Variants in ST3GAL3 observed in about 807,000 individuals in gnomAD.
ST3GAL3 encodes the protein ST3 beta-galactoside alpha-2,3-sialyltransferase 3.
ST3GAL3 carries 21 observed loss-of-function variants against 50.1 expected under a neutral mutation model. That is an observed-to-expected ratio of 0.42 (90% CI 0.30 to 0.60). The LOEUF is 0.60. Ranked by LOEUF, ST3GAL3 falls within the 20% of genes least tolerant of loss-of-function variation. ST3GAL3 has a pLI of 0.19. For missense variants in ST3GAL3, 353 were observed against 489.4 expected, an observed-to-expected ratio of 0.72 and a Z score of 2.63; for synonymous variants, 183 against 190.0, an observed-to-expected ratio of 0.96 and a Z score of 0.30.
intron 4 of ST3GAL3, among the ~76,000 whole-genome samples, chr1:43,827,651 C>T (rs1043181663): frequency 3.3e-5 from 5 of 151,968 alleles, no homozygotes; most frequent in East Asian, 1.9e-4. Flanking sequence ...TACAGGCGTG[C>T]GCTACCACAC....
At chr1:43,895,575 A>T (rs1306134555) in intron 6 of ST3GAL3, among the ~76,000 whole-genome samples, 1 of 152,196 alleles carries the variant, frequency 6.6e-6, no homozygotes, top group Non-Finnish European at 1.5e-5. Flanking sequence ...TGTCAGAATT[A>T]CATAAAATAA....
At chr1:43,747,032 C>G (rs182023958) in intron 2 of ST3GAL3, among the ~76,000 whole-genome samples, 1 of 151,898 alleles carries the variant, frequency 6.6e-6, no homozygotes, top group Non-Finnish European at 1.5e-5. Flanking sequence ...TCCCGAAGTG[C>G]GAGGATTACA....
At chr1:43,777,800 T>G (rs1030776594) in intron 2 of ST3GAL3, among the ~76,000 whole-genome samples, 2 of 152,116 alleles carry the variant, frequency 1.3e-5, no homozygotes, top group African/African-American at 4.8e-5. Context: ...CAAAATAAAC[T>G]ATCATCAGAG....
chr1:43,827,512 G>A (rs1023328928), intron 4 of ST3GAL3, among the ~76,000 whole-genome samples: 8 of 151,940 alleles, frequency 5.3e-5, no homozygotes, highest in Non-Finnish European at 1.2e-4. Flanking sequence ...TGGGTTTTGG[G>A]GGTTTTGGGG....
At chr1:43,819,074 A>C (rs996767884) in intron 4 of ST3GAL3, 1 of 152,202 alleles carries the variant, frequency 6.6e-6, no homozygotes, top group African/African-American at 2.4e-5. Context: ...AACTTTATTT[A>C]TGGACCCTGA....
intron 5 of ST3GAL3, among the ~76,000 whole-genome samples, chr1:43,868,844 C>G (rs1045432124): frequency 6.6e-6 from 1 of 152,168 alleles, no homozygotes; most frequent in East Asian, 1.9e-4. Flanking sequence ...AAGAGACACC[C>G]GAGATGGAAA....
At chr1:43,929,582 T>G (rs1467398671) in intron 11 of ST3GAL3, among the ~76,000 whole-genome samples, 1 of 152,218 alleles carries the variant, frequency 6.6e-6, no homozygotes, top group Non-Finnish European at 1.5e-5. Flanking sequence ...ATTACAGGCG[T>G]GAGCCACCGC....
intron 9 of ST3GAL3, among the ~76,000 whole-genome samples, chr1:43,901,984 GC>G (rs2078355698): frequency 6.6e-6 from 1 of 152,218 alleles, no homozygotes; most frequent in South Asian, 2.1e-4. Flanking sequence ...AGGCCCTTTG[GC>G]TGCCCAAGGG....
chr1:43,898,946 G>A (rs2077806906), intron 7 of ST3GAL3: 2 of 600,956 alleles, frequency 3.3e-6, no homozygotes, highest in Non-Finnish European at 5.8e-6. Flanking sequence ...TTTTCCTGGG[G>A]AAGTGTCAGG....
intron 2 of ST3GAL3, among the ~76,000 whole-genome samples, chr1:43,757,882 A>G (rs1688694382): frequency 6.6e-6 from 1 of 152,222 alleles, no homozygotes; most frequent in Non-Finnish European, 1.5e-5. Flanking sequence ...CATCTACAAC[A>G]AAGGTCTTGT....
chr1:43,869,129 T>C (rs981488859), intron 5 of ST3GAL3, among the ~76,000 whole-genome samples: 1 of 152,106 alleles, frequency 6.6e-6, no homozygotes, highest in African/African-American at 2.4e-5. Context: ...ATCATGGAGA[T>C]TACCTAGTCC....
chr1:43,827,538 G>C (rs1169921838), intron 4 of ST3GAL3, among the ~76,000 whole-genome samples: 2 of 151,932 alleles, frequency 1.3e-5, no homozygotes, highest in Non-Finnish European at 2.9e-5. Flanking sequence ...TTTGAAACAG[G>C]GTTGCCCAGG....
chr1:43,842,221 C>T (rs1366718679), intron 5 of ST3GAL3: 1 of 152,222 alleles, frequency 6.6e-6, no homozygotes, highest in African/African-American at 2.4e-5. Context: ...ATCTTCCTGT[C>T]TTCTTGTGAG....
At chr1:43,775,189 A>G (rs1374380431) in intron 2 of ST3GAL3, among the ~76,000 whole-genome samples, 7 of 151,544 alleles carry the variant, frequency 4.6e-5, no homozygotes, top group Non-Finnish European at 8.8e-5. Flanking sequence ...GCTCTTCCTG[A>G]TTGCCAGAAC....
At chr1:43,872,216 G>A (rs1298318424) in intron 5 of ST3GAL3, among the ~76,000 whole-genome samples, 9 of 93,770 alleles carry the variant, frequency 9.6e-5, no homozygotes, top group South Asian at 4.5e-4. Flanking sequence ...TGAGAGGGGT[G>A]TGGGGGGCCG....
At position 43,736,499 on chromosome 1, in the gene ST3GAL3, T is replaced by C. The variant is rs1476346083; in HGVS notation, c.118+119T>C. ...GGGCAATGAGAGTAAACTGAACATT[T>C]CTGGGACTTTGGCCTAGAAATTGCC... On this transcript the variant is annotated intron_variant, in intron 2 of 11. Coordinates refer to ENST00000347631, the MANE Select transcript of ST3GAL3 (RefSeq NM_006279.5). The C allele has an allele frequency of 2.5e-6, 4 of 1,590,348 alleles. No homozygotes were observed. In the African/African-American group the frequency reaches 5.4e-5, roughly 21 times the overall value.
intron 1 of ST3GAL3, among the ~76,000 whole-genome samples, chr1:43,712,330 C>T (rs1483102317): frequency 1.3e-5 from 2 of 152,092 alleles, no homozygotes; most frequent in Non-Finnish European, 2.9e-5. Flanking sequence ...CTTTTTTCTC[C>T]CTTGGACAGC....
intron 2 of ST3GAL3, among the ~76,000 whole-genome samples, chr1:43,763,091 CTTTG>C (rs1027604793): frequency 1.3e-5 from 2 of 152,152 alleles, no homozygotes; most frequent in Admixed American, 6.6e-5. Flanking sequence ...CATCGCAGCA[CTTTG>C]TTTATTTGCA....
intron 9 of ST3GAL3, among the ~76,000 whole-genome samples, chr1:43,906,597 A>C (rs552608543): frequency 2.0e-3 from 100 of 49,246 alleles, no homozygotes; most frequent in Admixed American, 3.5e-3. Context: ...TCTTCCTGCC[A>C]CTCTTCCTCC....
Sources: gnomAD v4.1 joint callset for allele counts (sites outside exome capture counted in the v4.1 genomes callset) on GRCh38, gnomAD v4.1.1 for gene constraint, MANE v1.5 for transcripts, NCBI Gene and HGNC (gene_info 2026-07-23, HGNC 2026-07-21) for gene names.